Variants in DHRS2 observed in about 807,000 individuals in gnomAD.
DHRS2 encodes the protein dehydrogenase/reductase SDR family member 2, mitochondrial.
In DHRS2, 29 loss-of-function variants were observed where a neutral mutation model predicts 26.3. The observed-to-expected ratio is 1.10, with a 90% CI of 0.82 to 1.50. The LOEUF (loss-of-function observed/expected upper bound fraction) is 1.50. Among genes scored for constraint, DHRS2 ranks in the 40% most tolerant of loss-of-function variants. DHRS2 has a pLI of 0.00. For synonymous variants in DHRS2, 164 were observed against 151.3 expected, an observed-to-expected ratio of 1.08 and a Z score of -0.62; for missense variants, 439 against 367.1, an observed-to-expected ratio of 1.20 and a Z score of -1.60.
chr14:23,633,865 T>A (rs1274693420), upstream of DHRS2, among the ~76,000 whole-genome samples: 1 of 152,208 alleles, frequency 6.6e-6, no homozygotes, highest in African/African-American at 2.4e-5. Flanking sequence ...AGTTTTAAGC[T>A]GCTTGAATTT....
At chr14:23,640,422 C>T in intron 4 of DHRS2, 1 of 985,436 alleles carries the variant, frequency 1.0e-6, no homozygotes, top group Non-Finnish European at 1.2e-6. Context: ...CTTAGACATC[C>T]CAGCCTGCTG....
intron 4 of DHRS2, chr14:23,640,113 T>C: frequency 1.4e-6 from 1 of 714,570 alleles, no homozygotes; most frequent in Non-Finnish European, 1.9e-6. Context: ...CACTTTCTGC[T>C]TTGTTTTCTC....
rs369950873 is a variant in DHRS2, at chr14:23,643,089, T to A, written c.421-63T>A. ...AAATTACAGGGCTCCAAGTGTCTTA[T>A]GAGAGCAGGACTTGGGCTGACCATG... On this transcript the variant is annotated intron_variant, in intron 4 of 8. Transcript: ENST00000250383. The A allele has an allele frequency of 9.2e-5, 143 of 1,553,612 alleles. No homozygotes were observed. In the African/African-American group the frequency reaches 1.8e-3, roughly 19 times the overall value.
chr14:23,638,816 C>G lies in DHRS2; in HGVS notation c.-38-11C>G, dbSNP rs759092326. Reference sequence around the variant, plus strand: ...GCATCAGTGATAAGTGAAATTGATTCTTTCCCCCAGGCCTGATTCAGCAGG... The same window carrying G: ...GCATCAGTGATAAGTGAAATTGATTGTTTCCCCCAGGCCTGATTCAGCAGG... On this transcript the variant is annotated splice_polypyrimidine_tract_variant and intron_variant, in intron 1 of 8. Coordinates refer to ENST00000250383, the MANE Select transcript of DHRS2 (RefSeq NM_005794.4). The G allele has an allele frequency of 1.9e-6, 3 of 1,588,878 alleles. No homozygotes were observed. The highest frequency in any genetic ancestry group is 1.7e-5 in the Admixed American group (1 of 58,042).
chr14:23,645,047 TC>T, intron 8 of DHRS2, 94 bp from the exon 9 acceptor site: 1 of 1,592,882 alleles, frequency 6.3e-7, no homozygotes, highest in Non-Finnish European at 8.6e-7. Context: ...TCCACCTTGT[TC>T]CCCATGGAGC....
chr14:23,639,251 G>A lies in DHRS2; in HGVS notation c.213G>A (p.Gln71=), dbSNP rs760436099. The change falls in exon 3 of 9, where the codon CAG becomes CAA. Residue 71 remains glutamine, a synonymous_variant. Transcript: ENST00000250383. ...TGGTCATCAGCAGCCGGAAGCAGCA[G>A]AACGTGGACCGGGCCATGGCCAAGC... ...AHVVISSRKQ[Q]NVDRAMAKLQ... is the part of the protein sequence containing the mutation. The A allele has an allele frequency of 9.3e-6, 15 of 1,613,644 alleles. No homozygotes were observed. In the South Asian group the frequency reaches 1.5e-4, roughly 17 times the overall value.
At chr14:23,639,928 G>T (rs750730403) in intron 4 of DHRS2, 33 bp downstream of exon 4, 3 of 1,524,100 alleles carry the variant, frequency 2.0e-6, no homozygotes, top group Admixed American at 2.1e-5. Flanking sequence ...GCGGCTGAGG[G>T]CCCGATTCCA....
At chr14:23,643,089 T>G in intron 4 of DHRS2, 63 bp from the exon 5 acceptor site, 3 of 1,553,606 alleles carry the variant, frequency 1.9e-6, no homozygotes, top group South Asian at 1.1e-5. Context: ...AAGTGTCTTA[T>G]GAGAGCAGGA....
intron 1 of DHRS2, among the ~76,000 whole-genome samples, chr14:23,637,866 AGACCAATCAGCTCTCTGTAAAATG>A (rs1270171212): frequency 2.6e-5 from 4 of 152,154 alleles, no homozygotes; most frequent in Non-Finnish European, 5.9e-5. Flanking sequence ...TCTATAAAAC[AGACCAATCAGCTCTCTGTAAAATG>A]GACCAATCAG....
chr14:23,638,683 C>T, intron 1 of DHRS2, 144 bp from the exon 2 acceptor site: 1 of 763,042 alleles, frequency 1.3e-6, no homozygotes, highest in Non-Finnish European at 2.1e-6. Context: ...ACCTGAGGTT[C>T]ACATGTTTGA....
At position 23,636,419 on chromosome 14, in the gene DHRS2, A is replaced by T. The variant is rs1188946413; in HGVS notation, c.-392A>T. 1 of 152,096 alleles carries T rather than the reference A, an allele frequency of 6.6e-6. No individual in the cohort carries two copies. The highest frequency in any genetic ancestry group is 1.5e-5 in the Non-Finnish European group (1 of 68,024). The allele number at this position is 152,096 out of a possible 1,614,324, so 9.4% of individuals were successfully genotyped here. ...TGGAAGCTTTGTTCTTTTGGTCTTC[A>T]TGATAAATCTTGCTGCTGCTCACTC... On this transcript the variant is annotated 5_prime_UTR_variant, in exon 1 of 9. It removes an upstream start codon present in the reference 5' UTR. Transcript: ENST00000250383.
At chr14:23,635,427 G>C (rs1890246840), upstream of DHRS2, among the ~76,000 whole-genome samples, 1 of 152,182 alleles carries the variant, frequency 6.6e-6, no homozygotes. Context: ...TTCTAAGCAG[G>C]CTTCTCTGAA....
chr14:23,638,716 T>A, intron 1 of DHRS2, 111 bp from the exon 2 acceptor site: 1 of 1,176,510 alleles, frequency 8.5e-7, no homozygotes, highest in Admixed American at 2.3e-5. Context: ...CCAGCCTGAC[T>A]CTCTGCCACT....
rs1890314942 is a variant in DHRS2, at chr14:23,636,748, T to G, written c.-63T>G. On this transcript the variant is annotated 5_prime_UTR_variant, in exon 1 of 9. Coordinates refer to ENST00000250383, the MANE Select transcript of DHRS2 (RefSeq NM_005794.4). ...AAGTGGTGAGACCATCACCAAGCGGTGAGACTATCACCTATCGCCAAGTGG... is the reference window on the plus strand; with the variant it reads ...AAGTGGTGAGACCATCACCAAGCGGGGAGACTATCACCTATCGCCAAGTGG... The G allele has an allele frequency of 6.6e-6, 1 of 152,186 alleles. No homozygotes were observed. Among genetic ancestry groups the G allele is most frequent in the African/African-American group, 2.4e-5 (1 of 41,452 alleles). The allele number at this position is 152,186 out of a possible 1,614,324, so 9.4% of individuals were successfully genotyped here. A position where few individuals can be genotyped will look rare whatever the true frequency, so the allele number is the denominator to read the frequency against.
chr14:23,638,686 A>T, intron 1 of DHRS2, 141 bp from the exon 2 acceptor site: 1 of 785,166 alleles, frequency 1.3e-6, no homozygotes, highest in South Asian at 1.9e-5. Flanking sequence ...TGAGGTTCAC[A>T]TGTTTGAAAT....
intron 5 of DHRS2, chr14:23,643,848 C>T (rs1002448952): frequency 9.5e-5 from 48 of 505,758 alleles, no homozygotes; most frequent in African/African-American, 9.3e-4. Flanking sequence ...CTCCTTCAAG[C>T]ACCTGGCAAG....
intron 4 of DHRS2, 51 bp downstream of exon 4, chr14:23,639,946 A>G (rs1173247025): frequency 1.4e-6 from 2 of 1,427,258 alleles, no homozygotes; most frequent in Non-Finnish European, 1.9e-6. Flanking sequence ...CCAGCTCTGC[A>G]CTGGGCTCCA....
At chr14:23,643,529 G>C (rs887575689) in intron 5 of DHRS2, 2 of 365,438 alleles carry the variant, frequency 5.5e-6, no homozygotes, top group African/African-American at 2.1e-5. Flanking sequence ...CCTGCTCTCT[G>C]TTCTTACCAA....
At chr14:23,641,905 C>T (rs1890687296) in intron 4 of DHRS2, 2 of 1,210,162 alleles carry the variant, frequency 1.7e-6, no homozygotes, top group South Asian at 3.0e-5. Flanking sequence ...TGCAGCTGAC[C>T]TGAATCAGGA....
Sources: gnomAD v4.1 joint callset for allele counts (sites outside exome capture counted in the v4.1 genomes callset) on GRCh38, gnomAD v4.1.1 for gene constraint, MANE v1.5 for transcripts, NCBI Gene and HGNC (gene_info 2026-07-23, HGNC 2026-07-21) for gene names.